The following PAPPA2 variants were observed in gnomAD, a reference collection of about 807,000 sequenced individuals.
PAPPA2 encodes the protein pappalysin-2.
In PAPPA2, 86 loss-of-function variants were observed where a neutral mutation model predicts 176.4. The ratio of observed to expected loss-of-function variants is 0.49; its 90% CI spans 0.41 to 0.58. The LOEUF is 0.58. Among genes scored for constraint, PAPPA2 ranks in the 20% least tolerant of loss-of-function variants. The probability of loss-of-function intolerance (pLI) is 0.00; values close to 1 mark genes in which losing one functional copy is unlikely to be tolerated. For synonymous variants in PAPPA2, 809 were observed against 852.2 expected (o/e 0.95, Z 0.88); for missense variants, 2,073 against 2,256.9 (o/e 0.92, Z 1.65).
At chr1:176,839,789 G>A (rs1415983371) in intron 21 of PAPPA2, among the ~76,000 whole-genome samples, 2 of 152,102 alleles carry the variant, frequency 1.3e-5, no homozygotes, top group African/African-American at 4.8e-5. Flanking sequence ...GGACTTTTGA[G>A]GCCAATCCTG....
intron 17 of PAPPA2, among the ~76,000 whole-genome samples, chr1:176,785,321 C>T (rs1479009855): frequency 3.9e-5 from 6 of 152,104 alleles, no homozygotes; most frequent in Non-Finnish European, 8.8e-5. Context: ...ACAGCCCTCA[C>T]TATTGGGCCC....
At chr1:176,794,947 G>A (rs1315173334) in intron 20 of PAPPA2, among the ~76,000 whole-genome samples, 3 of 152,188 alleles carry the variant, frequency 2.0e-5, no homozygotes, top group Non-Finnish European at 4.4e-5. Context: ...ACCAATCTAT[G>A]TCTGCCAGCC....
chr1:176,587,171 C>T (rs923640453), intron 2 of PAPPA2, among the ~76,000 whole-genome samples: 3 of 151,714 alleles, frequency 2.0e-5, no homozygotes, highest in African/African-American at 7.3e-5. Flanking sequence ...TTAAGCTCCT[C>T]ATAAATTCTG....
Position 176,595,396 on chromosome 1 carries a change from C to G in PAPPA2, c.1792C>G (p.Pro598Ala), listed in dbSNP as rs766227560. ...PSKIGNDHCD[P>A]ECEHPLTGYD... The stretch of plus-strand genomic sequence containing the variant: ...CAAGATTGGCAATGACCATTGTGAC[C>G]CCGAGTGTGAGCACCCACTCACAGG... The change falls in exon 3 of 23, where the codon CCC becomes GCC. Residue 598 changes from proline (P) to alanine (A), a missense_variant. By Grantham distance (27) the Pro-to-Ala change is conservative. Transcript: ENST00000367662. 6.2e-7 allele frequency: 1 copy of G among 1,614,134 alleles called. No homozygotes were observed. Among genetic ancestry groups the G allele is most frequent in the Non-Finnish European group, 8.5e-7 (1 of 1,180,032 alleles).
intron 4 of PAPPA2, among the ~76,000 whole-genome samples, chr1:176,673,879 A>G (rs914138196): frequency 6.6e-6 from 1 of 152,112 alleles, no homozygotes; most frequent in Non-Finnish European, 1.5e-5. Context: ...GGCAGAGCAG[A>G]GAGCAGCAGC....
intron 17 of PAPPA2, among the ~76,000 whole-genome samples, chr1:176,781,376 T>A (rs1664714038): frequency 3.1e-5 from 4 of 129,648 alleles, no homozygotes; most frequent in African/African-American, 9.3e-5. Flanking sequence ...TTTTTTTTTT[T>A]TTTTTTTTTT....
At chr1:176,567,472 G>A (rs1438399237) in intron 2 of PAPPA2, among the ~76,000 whole-genome samples, 4 of 152,206 alleles carry the variant, frequency 2.6e-5, no homozygotes, top group Non-Finnish European at 4.4e-5. Flanking sequence ...TGGTGACTCA[G>A]CATTTGCTAA....
At chr1:176,603,945 C>T (rs1213727943) in intron 3 of PAPPA2, among the ~76,000 whole-genome samples, 1 of 152,228 alleles carries the variant, frequency 6.6e-6, no homozygotes, top group Non-Finnish European at 1.5e-5. Flanking sequence ...AAGCCAACAG[C>T]ATGACTCTGA....
intron 2 of PAPPA2, among the ~76,000 whole-genome samples, chr1:176,575,499 A>C (rs192064185): frequency 6.6e-6 from 1 of 152,232 alleles, no homozygotes; most frequent in African/African-American, 2.4e-5. Flanking sequence ...GTCCTTTATG[A>C]TCTACTCCAA....
chr1:176,513,189 AT>A (rs1648719829), intron 1 of PAPPA2, among the ~76,000 whole-genome samples: 2 of 151,970 alleles, frequency 1.3e-5, no homozygotes, highest in African/African-American at 4.8e-5. Context: ...CATCATCATC[AT>A]CATCACCATC....
intron 3 of PAPPA2, among the ~76,000 whole-genome samples, chr1:176,604,341 G>T (rs1312076341): frequency 2.0e-5 from 3 of 152,110 alleles, no homozygotes; most frequent in Admixed American, 6.5e-5. Flanking sequence ...TACGAGGGAA[G>T]GGGTTTTTAT....
chr1:176,699,583 C>T lies in PAPPA2; in HGVS notation c.3230C>T (p.Thr1077Met), dbSNP rs1044981123. ...VVVTHSHRKF[T>M]DVEVTPGQMY... ...GTGACACATTCTCACAGGAAGTTCA[C>T]GGACGTGTGAGTTTGGTAGCATGAC... is the stretch of plus-strand genomic sequence containing the variant. Residue 1077 changes from threonine (T) to methionine (M), a missense_variant, in exon 8 of 23, where the codon ACG (threonine) becomes ATG (methionine). By Grantham distance (81) the Thr-to-Met change is moderately conservative. Transcript: ENST00000367662. 19 of 1,598,708 alleles carry T rather than the reference C, an allele frequency of 1.2e-5. No homozygotes were observed. Among genetic ancestry groups the T allele is most frequent in the Admixed American group, 1.2e-4 (7 of 59,574 alleles).
rs1662425621 is a variant in PAPPA2 at position 176,736,552 on chromosome 1, T to TAAAATATATAAATATATATATTTA, written c.3799-3057_3799-3056insATATTTAAAAATATATAAATATAT. Among the ~76,000 whole-genome samples, 4 of 147,106 alleles carry TAAAATATATAAATATATATATTTA rather than the reference T, an allele frequency of 2.7e-5. No individual in the cohort carries two copies. In the South Asian group the frequency reaches 8.4e-4, roughly 31 times the overall value. On this transcript the variant is annotated intron_variant, in intron 12 of 22. Transcript: ENST00000367662. ...TATATATTTTTAAATATATATCTTA[T>TAAAATATATAAATATATATATTTA]AAAATATATAAATATATTTATATTT...
chr1:176,817,576 G>T (rs1307420449), intron 21 of PAPPA2, among the ~76,000 whole-genome samples: 1 of 152,078 alleles, frequency 6.6e-6, no homozygotes, highest in African/African-American at 2.4e-5. Flanking sequence ...CCCAGACAAG[G>T]CACCAATAGT....
chr1:176,587,558 A>G (rs1653391556), intron 2 of PAPPA2, among the ~76,000 whole-genome samples: 1 of 152,172 alleles, frequency 6.6e-6, no homozygotes, highest in Non-Finnish European at 1.5e-5. Context: ...TCCTTTCCCC[A>G]TTCCCTGTTT....
intron 3 of PAPPA2, among the ~76,000 whole-genome samples, chr1:176,654,647 T>G (rs1225818360): frequency 1.3e-5 from 2 of 151,620 alleles, no homozygotes; most frequent in African/African-American, 4.8e-5. Flanking sequence ...TTGCACTGAC[T>G]CTATAGATTG....
intron 21 of PAPPA2, among the ~76,000 whole-genome samples, chr1:176,823,990 G>T (rs1421424518): frequency 6.6e-6 from 1 of 152,194 alleles, no homozygotes; most frequent in East Asian, 1.9e-4. Flanking sequence ...AAGGAGAAAA[G>T]AGTCTGAATA....
rs747257382 is a variant in PAPPA2 at position 176,557,173 on chromosome 1, G to A, written c.851G>A (p.Arg284Gln). 42 of 1,613,384 alleles carry A rather than the reference G, an allele frequency of 2.6e-5. No homozygotes were observed. Among genetic ancestry groups the A allele is most frequent in the Non-Finnish European group, 3.1e-5 (37 of 1,179,762 alleles). Residue 284 changes from arginine (R) to glutamine (Q), a missense_variant, in exon 2 of 23, where the codon CGG (arginine) becomes CAG (glutamine). By Grantham distance (43) the Arg-to-Gln change is conservative. Coordinates refer to ENST00000367662, the MANE Select transcript of PAPPA2 (RefSeq NM_020318.3). ...LRPEVLAEIPREAFTVEAWVK... is the reference protein window; with the variant it reads ...LRPEVLAEIPQEAFTVEAWVK... ...CCAGAAGTGCTGGCTGAGATTCCCC[G>A]GGAGGCGTTCACAGTGGAAGCCTGG... is the stretch of plus-strand genomic sequence containing the variant.
intron 9 of PAPPA2, among the ~76,000 whole-genome samples, chr1:176,705,540 G>A (rs1315427219): frequency 6.6e-6 from 1 of 152,058 alleles, no homozygotes; most frequent in African/African-American, 2.4e-5. Context: ...AGAAAAAAAT[G>A]GTAGTCCTCA....
Sources: gnomAD v4.1 joint callset for allele counts (sites outside exome capture counted in the v4.1 genomes callset) on GRCh38, gnomAD v4.1.1 for gene constraint, MANE v1.5 for transcripts, NCBI Gene and HGNC (gene_info 2026-07-23, HGNC 2026-07-21) for gene names.